HIVEP3: variants seen among roughly 807,000 people sequenced by gnomAD.
HIVEP3 encodes the protein HIVEP zinc finger 3.
HIVEP3 carries 49 observed loss-of-function variants against 152.8 expected under a neutral mutation model. That is an observed-to-expected ratio of 0.32 (90% CI 0.26 to 0.41). The LOEUF (loss-of-function observed/expected upper bound fraction) is 0.41. Among genes scored for constraint, HIVEP3 ranks in the 10% least tolerant of loss-of-function variants. The pLI, the probability that HIVEP3 is intolerant of heterozygous loss-of-function variation, is 1.00. For synonymous variants in HIVEP3, 1,269 were observed against 1,289.0 expected, an observed-to-expected ratio of 0.98 and a Z score of 0.33; for missense variants, 2,790 against 3,103.3, an observed-to-expected ratio of 0.90 and a Z score of 2.40.
At chr1:41,693,722 G>C (rs1213614304) in intron 2 of HIVEP3, among the ~76,000 whole-genome samples, 1 of 152,146 alleles carries the variant, frequency 6.6e-6, no homozygotes, top group East Asian at 1.9e-4. Flanking sequence ...CGTCATTCCG[G>C]TATGACACAA....
At chr1:42,001,479 T>C (rs1645427411) in intron 1 of HIVEP3, among the ~76,000 whole-genome samples, 2 of 152,322 alleles carry the variant, frequency 1.3e-5, no homozygotes, top group South Asian at 4.1e-4. Context: ...GTCTGCTACA[T>C]TGTCATGCTC....
chr1:41,682,225 T>A (rs1646050258), intron 2 of HIVEP3, among the ~76,000 whole-genome samples: 1 of 152,176 alleles, frequency 6.6e-6, no homozygotes, highest in African/African-American at 2.4e-5. Flanking sequence ...TATGCTGCCC[T>A]GGGTCTTTCA....
intron 3 of HIVEP3, among the ~76,000 whole-genome samples, chr1:41,605,378 C>T (rs1260776739): frequency 1.5e-5 from 1 of 68,790 alleles, no homozygotes; most frequent in Non-Finnish European, 4.1e-5. Context: ...CACACGCGCA[C>T]ACACACACAC....
intron 1 of HIVEP3, among the ~76,000 whole-genome samples, chr1:41,910,238 C>T (rs1259222422): frequency 6.6e-6 from 1 of 151,662 alleles, no homozygotes; most frequent in Non-Finnish European, 1.5e-5. Flanking sequence ...TGGACATAAC[C>T]ACAGATCCCA....
chr1:41,511,232 G>C lies in HIVEP3; in HGVS notation c.6440C>G (p.Pro2147Arg), dbSNP rs369622740. 3.1e-6 allele frequency: 5 copies of C among 1,612,432 alleles called. No homozygotes were observed. Among genetic ancestry groups the C allele is most frequent in the South Asian group, 2.2e-5 (2 of 90,966 alleles). ...GGAGGAGAGAGGATGAGCAGGGCCGGGTGAGCAGGAGGGACTTCGGGACTC... is the reference window on the plus strand; with the variant it reads ...GGAGGAGAGAGGATGAGCAGGGCCGCGTGAGCAGGAGGGACTTCGGGACTC... ...KAESRSPSCSPGPAHPLSSRP... is the reference protein window; with the variant it reads ...KAESRSPSCSRGPAHPLSSRP... The change falls in exon 9 of 9, where the codon CCC (proline) becomes CGC (arginine). Residue 2147 changes from proline to arginine, a missense_variant. Transcript: ENST00000372583. The surrounding 1 kb of genome is among the most constrained non-coding windows in gnomAD (Gnocchi z 4.9).
At chr1:41,803,883 C>A (rs1362661775) in intron 1 of HIVEP3, among the ~76,000 whole-genome samples, 1 of 152,190 alleles carries the variant, frequency 6.6e-6, no homozygotes, top group Non-Finnish European at 1.5e-5. Flanking sequence ...CATTTTTAAT[C>A]CTCTGGACAT....
chr1:41,567,471 C>T (rs1644183216), intron 5 of HIVEP3, among the ~76,000 whole-genome samples: 1 of 152,190 alleles, frequency 6.6e-6, no homozygotes, highest in South Asian at 2.1e-4. Flanking sequence ...GGGCTGGACA[C>T]TTCACTCCCC....
chr1:41,757,216 C>T (rs927496413), intron 1 of HIVEP3, among the ~76,000 whole-genome samples: 6 of 151,434 alleles, frequency 4.0e-5, no homozygotes, highest in South Asian at 4.2e-4. Context: ...CCCAGGTTCA[C>T]GCCATTCTCC....
intron 5 of HIVEP3, among the ~76,000 whole-genome samples, chr1:41,563,086 C>T (rs1366320909): frequency 6.6e-6 from 1 of 152,090 alleles, no homozygotes; most frequent in African/African-American, 2.4e-5. Flanking sequence ...ATGGCTTATG[C>T]TTGTAATCCC....
At chr1:41,730,350 G>A (rs1215668440) in intron 1 of HIVEP3, among the ~76,000 whole-genome samples, 1 of 152,206 alleles carries the variant, frequency 6.6e-6, no homozygotes, top group Admixed American at 6.5e-5. Context: ...AGGGGGTGAG[G>A]AGTAGATGAG....
chr1:41,521,172 G>T (rs148508811), intron 6 of HIVEP3, among the ~76,000 whole-genome samples: 1 of 152,170 alleles, frequency 6.6e-6, no homozygotes, highest in Non-Finnish European at 1.5e-5. Context: ...GTGGGGATGC[G>T]GGAGGACTTG....
intron 1 of HIVEP3, among the ~76,000 whole-genome samples, chr1:41,784,392 C>G (rs1197873075): frequency 6.6e-6 from 1 of 152,126 alleles, no homozygotes; most frequent in Non-Finnish European, 1.5e-5. Context: ...TTAGTTTCAA[C>G]TGTTTCTCTT....
At chr1:41,539,631 C>T (rs1643479827) in intron 5 of HIVEP3, among the ~76,000 whole-genome samples, 1 of 152,228 alleles carries the variant, frequency 6.6e-6, no homozygotes, top group African/African-American at 2.4e-5. Context: ...TGGTGCTCCA[C>T]ACCACACAAA....
intron 5 of HIVEP3, among the ~76,000 whole-genome samples, chr1:41,572,278 T>C (rs1644261495): frequency 1.3e-5 from 2 of 152,202 alleles, no homozygotes; most frequent in Non-Finnish European, 2.9e-5. Context: ...GGCCTGGGGC[T>C]AAGGAGATGG....
chr1:41,696,139 G>A (rs1646270534), intron 2 of HIVEP3, among the ~76,000 whole-genome samples: 1 of 152,234 alleles, frequency 6.6e-6, no homozygotes, highest in Non-Finnish European at 1.5e-5. Flanking sequence ...AGGCATGAGG[G>A]TGAGACTCCT....
At position 42,017,499 on chromosome 1, in the gene HIVEP3, C is replaced by G. The variant is rs1557563603; in HGVS notation, n.119+18308G>C. ...TTACCACCCCCAGGTAACCACTATCCTGATTTCTATTACCAGAGATTAGTG... is the reference window on the plus strand; with the variant it reads ...TTACCACCCCCAGGTAACCACTATCGTGATTTCTATTACCAGAGATTAGTG... On this transcript the variant is annotated intron_variant and non_coding_transcript_variant, in intron 1 of 3. Coordinates refer to the HIVEP3 transcript ENST00000489103. 3.9e-5 allele frequency among the ~76,000 whole-genome samples: 6 copies of G among 152,186 alleles called. No homozygotes were observed. In the South Asian group the frequency reaches 1.2e-3, roughly 32 times the overall value.
At chr1:42,018,744 C>T (rs1450232826) in intron 1 of HIVEP3, among the ~76,000 whole-genome samples, 2 of 152,066 alleles carry the variant, frequency 1.3e-5, no homozygotes, top group Admixed American at 6.6e-5. Flanking sequence ...GACTCTTTAT[C>T]AGCCCATAGA....
At chr1:41,876,241 G>A (rs1167492310) in intron 1 of HIVEP3, among the ~76,000 whole-genome samples, 1 of 151,882 alleles carries the variant, frequency 6.6e-6, no homozygotes, top group Non-Finnish European at 1.5e-5. Context: ...TGATATCCCA[G>A]ATTAAGCAAT....
intron 3 of HIVEP3, among the ~76,000 whole-genome samples, chr1:41,604,262 C>T (rs1264455054): frequency 6.6e-6 from 1 of 152,084 alleles, no homozygotes; most frequent in Non-Finnish European, 1.5e-5. Flanking sequence ...GCCAAAAAAA[C>T]TGGAAACAGC....
Sources: allele counts gnomAD v4.1 joint callset (sites outside exome capture counted in the v4.1 genomes callset), GRCh38; gene constraint gnomAD v4.1.1; non-coding constraint Gnocchi (gnomAD v3.1); transcripts MANE v1.5; gene names NCBI Gene and HGNC (gene_info 2026-07-23, HGNC 2026-07-21).